The following CNTN5 variants were observed in gnomAD, a reference collection of about 807,000 sequenced individuals.
CNTN5 encodes the protein contactin-5.
A neutral mutation model predicts 129.1 loss-of-function variants in CNTN5; 77 were observed. That is an observed-to-expected ratio of 0.60 (90% confidence interval 0.50 to 0.72). CNTN5 has a LOEUF of 0.72. CNTN5 is among the 30% of genes least tolerant of loss of function. CNTN5 has a pLI of 0.00. For missense variants in CNTN5, 1,478 were observed against 1,328.8 expected, an observed-to-expected ratio of 1.11 and a Z score of -1.75; for synonymous variants, 509 against 465.6, an observed-to-expected ratio of 1.09 and a Z score of -1.20.
intron 2 of CNTN5, among the ~76,000 whole-genome samples, chr11:99,555,012 C>T (rs1263203883): frequency 6.6e-6 from 1 of 151,460 alleles, no homozygotes; most frequent in Non-Finnish European, 1.5e-5. Context: ...ATTAATGATC[C>T]CCAAATATAA....
At chr11:99,296,859 A>G (rs1374683383) in intron 1 of CNTN5, among the ~76,000 whole-genome samples, 1 of 152,200 alleles carries the variant, frequency 6.6e-6, no homozygotes, top group East Asian at 1.9e-4. Flanking sequence ...AATTTTACCA[A>G]AGGTAACCTC....
At chr11:99,167,742 C>T (rs1240100313) in intron 1 of CNTN5, among the ~76,000 whole-genome samples, 3 of 151,982 alleles carry the variant, frequency 2.0e-5, no homozygotes, top group Non-Finnish European at 2.9e-5. Flanking sequence ...ATGAACACAT[C>T]TTTAATATAT....
intron 13 of CNTN5, among the ~76,000 whole-genome samples, chr11:100,099,912 T>G (rs1420169888): frequency 6.6e-6 from 1 of 152,130 alleles, no homozygotes; most frequent in Non-Finnish European, 1.5e-5. Context: ...CTGTCATTTC[T>G]TTAAGTCATT....
chr11:99,341,879 G>T (rs371344121), intron 2 of CNTN5, among the ~76,000 whole-genome samples: 1 of 152,072 alleles, frequency 6.6e-6, no homozygotes, highest in South Asian at 2.1e-4. Flanking sequence ...GACAAACCAC[G>T]GCTGAAGAAA....
rs544062148 is a variant in CNTN5 at position 99,294,300 on chromosome 11, A to G, written c.-209-31046A>G. Among the ~76,000 whole-genome samples the G allele has an allele frequency of 1.3e-4, 20 of 152,344 alleles. 1 individual carries two copies. The South Asian group carries it at 4.1e-3, about 32-fold the overall frequency. The stretch of plus-strand genomic sequence containing the variant: ...ACACCACCAAATAATTGTTAGAACC[A>G]ATAAATAAAATTAGTGAAGGTGCAG... On this transcript the variant is annotated intron_variant, in intron 1 of 24. Coordinates refer to ENST00000524871, the MANE Select transcript of CNTN5 (RefSeq NM_014361.4).
At chr11:99,156,099 T>C (rs1860320601) in intron 1 of CNTN5, among the ~76,000 whole-genome samples, 1 of 152,024 alleles carries the variant, frequency 6.6e-6, no homozygotes, top group Admixed American at 6.5e-5. Flanking sequence ...GAAAGACAGA[T>C]TTAACTATAT....
At chr11:99,446,016 G>A (rs901711848) in intron 2 of CNTN5, among the ~76,000 whole-genome samples, 7 of 151,444 alleles carry the variant, frequency 4.6e-5, no homozygotes, top group Non-Finnish European at 8.8e-5. Context: ...CCTAGGAGGC[G>A]GAGGTTGCAG....
At chr11:100,220,355 G>T (rs922522352) in intron 15 of CNTN5, among the ~76,000 whole-genome samples, 1 of 151,586 alleles carries the variant, frequency 6.6e-6, no homozygotes, top group Non-Finnish European at 1.5e-5. Flanking sequence ...AAGTTTTTAC[G>T]TCAGTAACAT....
At position 99,848,230 on chromosome 11, in the gene CNTN5, A is replaced by G. The variant is rs532068207; in HGVS notation, c.577+2968A>G. Among the ~76,000 whole-genome samples, 21 of 152,170 alleles carry G rather than the reference A, an allele frequency of 1.4e-4. No homozygotes were observed. The East Asian group carries it at 3.9e-3, about 28-fold the overall frequency. ...TTCTCAAAACAAAACAAAACAAACAAAAAATTCGGTTGGCAACTTTCCTTT... is the reference window on the plus strand; with the variant it reads ...TTCTCAAAACAAAACAAAACAAACAGAAAATTCGGTTGGCAACTTTCCTTT... On this transcript the variant is annotated intron_variant, in intron 6 of 24. Transcript: ENST00000524871.
At chr11:99,247,013 C>T (rs959466472) in intron 1 of CNTN5, among the ~76,000 whole-genome samples, 6 of 152,058 alleles carry the variant, frequency 3.9e-5, no homozygotes, top group Admixed American at 3.9e-4. Flanking sequence ...AAGTTTATAG[C>T]TTTACTGAAA....
intron 2 of CNTN5, among the ~76,000 whole-genome samples, chr11:99,416,766 T>G (rs1263631705): frequency 2.6e-5 from 4 of 152,008 alleles, no homozygotes; most frequent in African/African-American, 7.3e-5. Context: ...GAGGGAAGTT[T>G]TATAGGGTTG....
At chr11:99,464,427 A>G (rs1204857342) in intron 2 of CNTN5, among the ~76,000 whole-genome samples, 1 of 152,192 alleles carries the variant, frequency 6.6e-6, no homozygotes, top group East Asian at 1.9e-4. Flanking sequence ...TCTAGTTTGA[A>G]GGTATTCAGT....
At chr11:100,191,554 C>T (rs1191465127) in intron 14 of CNTN5, among the ~76,000 whole-genome samples, 1 of 151,924 alleles carries the variant, frequency 6.6e-6, no homozygotes, top group Admixed American at 6.6e-5. Context: ...AGTATGCCAA[C>T]GGTATAAAAA....
At chr11:100,001,941 C>A (rs2137474676) in intron 8 of CNTN5, 93 bp from the exon 9 acceptor site, 2 of 907,632 alleles carry the variant, frequency 2.2e-6, no homozygotes, top group Middle Eastern at 2.1e-4. Flanking sequence ...CATTAACAAC[C>A]AAACCACAGT....
chr11:99,753,650 T>TG (rs1944310929), intron 3 of CNTN5, among the ~76,000 whole-genome samples: 1 of 94,688 alleles, frequency 1.1e-5, no homozygotes, highest in African/African-American at 4.1e-5. Context: ...AAATTTTTAC[T>TG]GAAAAAAAAA....
At chr11:99,165,144 C>A (rs1860811881) in intron 1 of CNTN5, among the ~76,000 whole-genome samples, 1 of 152,040 alleles carries the variant, frequency 6.6e-6, no homozygotes, top group Admixed American at 6.5e-5. Flanking sequence ...GTTTATCTAC[C>A]AATCAGTAGT....
At position 99,329,526 on chromosome 11, in the gene CNTN5, C is replaced by G. The variant is rs542982043; in HGVS notation, c.-71+4042C>G. Among the ~76,000 whole-genome samples the G allele has an allele frequency of 3.9e-5, 6 of 152,236 alleles. No homozygotes were observed. The South Asian group carries it at 1.0e-3, about 26-fold the overall frequency. Reference sequence around the variant, plus strand: ...GCTCAGTCACCTGAACACCTCAAGGCTGTCCTACAACATAAGAAGGGCTCT... The same window carrying G: ...GCTCAGTCACCTGAACACCTCAAGGGTGTCCTACAACATAAGAAGGGCTCT... On this transcript the variant is annotated intron_variant, in intron 2 of 24. Transcript: ENST00000524871.
intron 1 of CNTN5, among the ~76,000 whole-genome samples, chr11:99,213,002 T>G (rs1859884410): frequency 6.6e-6 from 1 of 151,590 alleles, no homozygotes; most frequent in African/African-American, 2.4e-5. Context: ...CCATCCTGGC[T>G]AACATGGTGA....
At chr11:99,692,366 T>G (rs1410491368) in intron 3 of CNTN5, among the ~76,000 whole-genome samples, 1 of 152,164 alleles carries the variant, frequency 6.6e-6, no homozygotes, top group Non-Finnish European at 1.5e-5. Context: ...GTTTTTGTAG[T>G]GGCTGGTAAT....
Sources: allele counts gnomAD v4.1 joint callset (sites outside exome capture counted in the v4.1 genomes callset), GRCh38; gene constraint gnomAD v4.1.1; transcripts MANE v1.5; gene names NCBI Gene and HGNC (gene_info 2026-07-23, HGNC 2026-07-21).